ANOS1: variants seen among roughly 807,000 people sequenced by gnomAD.
ANOS1 encodes anosmin 1.
ANOS1 carries 6 observed loss-of-function variants against 59.0 expected under a neutral mutation model. The ratio of observed to expected loss-of-function variants is 0.10; its 90% CI spans 0.06 to 0.20. The LOEUF is 0.20. Ranked by LOEUF, ANOS1 falls within the 10% of genes least tolerant of loss-of-function variation. The pLI is 1.00. For synonymous variants in ANOS1, 217 were observed against 223.4 expected (o/e 0.97, Z 0.25); for missense variants, 433 against 542.3 (o/e 0.80, Z 2.00).
chrX:8,632,088 GGATA>G (rs1165826647), intron 2 of ANOS1, among the ~76,000 whole-genome samples: 2 of 111,694 alleles, frequency 1.8e-5, no homozygotes, highest in Non-Finnish European at 3.8e-5. Flanking sequence ...AGTCTTGAAT[GGATA>G]GATAAGTCAG....
intron 3 of ANOS1, among the ~76,000 whole-genome samples, chrX:8,616,887 T>C (rs1203771242): frequency 1.8e-5 from 2 of 112,177 alleles, no homozygotes; most frequent in African/African-American, 3.2e-5. Context: ...CTCTAAAGAA[T>C]TGACAACTTC....
At chrX:8,602,358 G>T (rs1930858902) in intron 3 of ANOS1, among the ~76,000 whole-genome samples, 1 of 111,644 alleles carries the variant, frequency 9.0e-6, no homozygotes, top group African/African-American at 3.3e-5. Flanking sequence ...TAAACAAAAT[G>T]TGCAAATTGG....
At chrX:8,585,980 T>C (rs925953122) in intron 5 of ANOS1, among the ~76,000 whole-genome samples, 3 of 112,034 alleles carry the variant, frequency 2.7e-5, no homozygotes, top group Non-Finnish European at 5.6e-5. Context: ...AGGAAAAAAA[T>C]AGACACTGGG....
Position 8,732,072 on chromosome X carries a change from C to G in ANOS1, c.-36G>C, listed in dbSNP as rs1046805528. The stretch of plus-strand genomic sequence containing the variant: ...CGAGGGCGAGGGCGAGGGCGCCGGG[C>G]GCGGGCCGAGGCTCCCTGCTCCGCG... On this transcript the variant is annotated 5_prime_UTR_variant, in exon 1 of 14. Coordinates refer to ENST00000262648, the MANE Select transcript of ANOS1 (RefSeq NM_000216.4). 6 of 899,269 alleles carry G rather than the reference C, an allele frequency of 6.7e-6. No individual in the cohort carries two copies. In the Admixed American group the frequency reaches 3.1e-4, roughly 46 times the overall value. The allele number at this position is 899,269 out of a possible 1,213,427, so 74.1% of individuals were successfully genotyped here. A position where few individuals can be genotyped will look rare whatever the true frequency, so the allele number is the denominator to read the frequency against.
rs757532758 is a variant in ANOS1 at position 8,682,354 on chromosome X, C to CCA, written c.255+17342_255+17343dup. ...CTTTTTTCGGAAAACGAGAATTTCA[C>CCA]CACACACACACACACACACACACAT... On this transcript the variant is annotated intron_variant, in intron 2 of 13. Coordinates refer to ENST00000262648, the MANE Select transcript of ANOS1 (RefSeq NM_000216.4). 6.5e-3 allele frequency among the ~76,000 whole-genome samples: 657 copies of CCA among 101,586 alleles called. 2 individuals are homozygous for CCA. Among genetic ancestry groups the CCA allele is most frequent in the African/African-American group, 0.011 (301 of 27,312 alleles). 88.2% of individuals were successfully genotyped at this position (101,586 alleles called of 115,157 possible). A position where few individuals can be genotyped will look rare whatever the true frequency, so the allele number is the denominator to read the frequency against.
In ANOS1 at chrX:8,726,464, C is replaced by T. The variant is rs143436311; in HGVS notation, c.207+5366G>A. 2.2e-4 allele frequency among the ~76,000 whole-genome samples: 25 copies of T among 112,043 alleles called. No individual in the cohort carries two copies. The East Asian group carries it at 6.7e-3, about 30-fold the overall frequency. ...ATTAGTCTTCCAGCAGGATCCCATC[C>T]ACTTTCTCCCTGGGCATTCTGAAAT... On this transcript the variant is annotated intron_variant, in intron 1 of 13. Coordinates refer to ENST00000262648, the MANE Select transcript of ANOS1 (RefSeq NM_000216.4).
At chrX:8,707,049 G>A (rs1466519433) in intron 1 of ANOS1, among the ~76,000 whole-genome samples, 6 of 111,173 alleles carry the variant, frequency 5.4e-5, no homozygotes. Context: ...GCTCTATAAC[G>A]TTCTGCACTT....
At chrX:8,700,921 A>G (rs1932751670) in intron 1 of ANOS1, among the ~76,000 whole-genome samples, 1 of 111,844 alleles carries the variant, frequency 8.9e-6, no homozygotes, top group Non-Finnish European at 1.9e-5. Flanking sequence ...AGGCAGGAGA[A>G]TTGCTTGAAC....
intron 9 of ANOS1, among the ~76,000 whole-genome samples, chrX:8,551,927 C>T (rs1389245958): frequency 3.6e-5 from 4 of 112,469 alleles, no homozygotes; most frequent in Non-Finnish European, 3.8e-5. Flanking sequence ...GAGCTGAGAT[C>T]GTGCCACTGC....
intron 2 of ANOS1, among the ~76,000 whole-genome samples, chrX:8,690,318 G>T (rs141014679): frequency 1.3e-3 from 147 of 112,297 alleles, no homozygotes; most frequent in African/African-American, 4.4e-3. Context: ...CTCCAAAGGA[G>T]ATCAATAAGT....
intron 8 of ANOS1, among the ~76,000 whole-genome samples, chrX:8,557,246 T>C (rs1446381843): frequency 1.8e-5 from 2 of 111,960 alleles, no homozygotes; most frequent in Admixed American, 9.5e-5. Flanking sequence ...GGCAATACCA[T>C]TCAGGACATA....
chrX:8,675,035 G>A (rs904802312), intron 2 of ANOS1, among the ~76,000 whole-genome samples: 1 of 111,517 alleles, frequency 9.0e-6, no homozygotes. Flanking sequence ...ACTTTTGGTG[G>A]AAGAGTCATT....
intron 8 of ANOS1, among the ~76,000 whole-genome samples, chrX:8,567,894 C>T (rs1366165491): frequency 8.9e-6 from 1 of 112,191 alleles, no homozygotes; most frequent in African/African-American, 3.2e-5. Context: ...TTTAACTGTA[C>T]GTAATCTCCT....
At chrX:8,594,687 TATATATATATACAC>T (rs1377025199) in intron 4 of ANOS1, among the ~76,000 whole-genome samples, 21 of 42,423 alleles carry the variant, frequency 5.0e-4, no homozygotes, top group African/African-American at 2.3e-3. Context: ...TATATATATA[TATATATATATACAC>T]ATATATATAC....
chrX:8,569,368 C>G (rs187327187), intron 7 of ANOS1, among the ~76,000 whole-genome samples: 2 of 112,183 alleles, frequency 1.8e-5, no homozygotes, highest in East Asian at 2.8e-4. Context: ...TGGGGCTGGG[C>G]GTGGTGGCTC....
intron 2 of ANOS1, among the ~76,000 whole-genome samples, chrX:8,698,672 ACAGT>A (rs1932718971): frequency 8.9e-6 from 1 of 111,808 alleles, no homozygotes; most frequent in South Asian, 3.7e-4. Flanking sequence ...TAGTATCTAG[ACAGT>A]CAGAGATAAG....
chrX:8,630,455 AC>A (rs1421542956), intron 2 of ANOS1, among the ~76,000 whole-genome samples: 7 of 110,947 alleles, frequency 6.3e-5, no homozygotes, highest in Non-Finnish European at 1.1e-4. Context: ...AACAAACAAA[AC>A]CAAAAAAAAG....
intron 2 of ANOS1, among the ~76,000 whole-genome samples, chrX:8,660,266 T>C (rs766806715): frequency 4.0e-4 from 45 of 112,298 alleles, no homozygotes; most frequent in Admixed American, 9.4e-4. Flanking sequence ...GGTGGACATG[T>C]GGACATTGTC....
chrX:8,605,969 G>T (rs929100553), intron 3 of ANOS1, among the ~76,000 whole-genome samples: 5 of 97,366 alleles, frequency 5.1e-5, no homozygotes, highest in Non-Finnish European at 1.0e-4. Flanking sequence ...GAGTGTATGT[G>T]CCTTGTGGGG....
Sources: allele counts gnomAD v4.1 joint callset (sites outside exome capture counted in the v4.1 genomes callset), GRCh38; gene constraint gnomAD v4.1.1; transcripts MANE v1.5; gene names NCBI Gene and HGNC (gene_info 2026-07-23, HGNC 2026-07-21).